The following HARS2 variants were observed in gnomAD, a reference collection of about 807,000 sequenced individuals.
The protein encoded by HARS2 is histidyl-tRNA synthetase 2, mitochondrial, also known as histidine--tRNA ligase, mitochondrial.
HARS2 carries 40 observed loss-of-function variants against 62.4 expected under a neutral mutation model. That is an observed-to-expected ratio of 0.64 (90% CI 0.50 to 0.83). The LOEUF is 0.83. Ranked by LOEUF, HARS2 falls within the 40% of genes least tolerant of loss-of-function variation. HARS2 has a pLI of 0.00. For synonymous variants in HARS2, 228 were observed against 227.0 expected (o/e 1.00, Z -0.04); for missense variants, 569 against 626.4 (o/e 0.91, Z 0.98).
intron 4 of HARS2, among the ~76,000 whole-genome samples, 196 bp from the exon 5 acceptor site, chr5:140,695,312 G>A (rs1759697364): frequency 6.6e-6 from 1 of 152,130 alleles, no homozygotes; most frequent in Non-Finnish European, 1.5e-5. Context: ...GTTTTGCTAG[G>A]TGAGATTCCT....
At position 140,695,520 on chromosome 5, in the gene HARS2, C is replaced by T. The variant is rs760431653; in HGVS notation, c.412C>T (p.Arg138Cys). The T allele has an allele frequency of 2.2e-5, 36 of 1,613,902 alleles. No homozygotes were observed. Among genetic ancestry groups the T allele is most frequent in the South Asian group, 3.3e-5 (3 of 91,044 alleles). The change falls in exon 5 of 13, where the codon CGT becomes TGT. Residue 138 changes from arginine (R) to cysteine (C), a missense_variant. Transcript: ENST00000230771. Reference sequence around the variant, plus strand: ...CCATTTATGTGAGGTTCCCTTTGCTCGTTATCTGGCCATGAATAAGGTGAA... The same window carrying T: ...CCATTTATGTGAGGTTCCCTTTGCTTGTTATCTGGCCATGAATAAGGTGAA... Reference protein sequence around the residue: ...LRYDLTVPFARYLAMNKVKKM... With the variant: ...LRYDLTVPFACYLAMNKVKKM...
At position 140,696,541 on chromosome 5, in the gene HARS2, A is replaced by G; in HGVS notation, c.753A>G (p.Arg251=). The G allele has an allele frequency of 6.2e-7, 1 of 1,613,438 alleles. No individual in the cohort carries two copies. Among genetic ancestry groups the G allele is most frequent in the Non-Finnish European group, 8.5e-7 (1 of 1,179,372 alleles). Residue 251 remains arginine, a synonymous_variant, in exon 8 of 13, where the codon AGA becomes AGG. Transcript: ENST00000230771. ...TGCAGATGGCTTGGAAAGATGTGAG[A>G]CATGAGATGGTGGTGAAGAAAGGCC... ...KLDKMAWKDV[R]HEMVVKKGLA...
In HARS2 at chr5:140,694,254, C is replaced by T; in HGVS notation, c.373C>T (p.Leu125=). 1 of 1,611,774 alleles carries T rather than the reference C, an allele frequency of 6.2e-7. No individual in the cohort carries two copies. Among genetic ancestry groups the T allele is most frequent in the South Asian group, 1.1e-5 (1 of 91,054 alleles). Reference sequence around the variant, plus strand: ...TGATCTGAAGGATCAAGGTGGAGAGCTGTTGTCCCTCCGCTATGACCTTAC... The same window carrying T: ...TGATCTGAAGGATCAAGGTGGAGAGTTGTTGTCCCTCCGCTATGACCTTAC... The part of the protein sequence containing the change: ...MYDLKDQGGE[L]LSLRYDLTVP... The change falls in exon 4 of 13, where the codon CTG becomes TTG. Residue 125 remains leucine (L), a synonymous_variant. Transcript: ENST00000230771.
At chr5:140,693,858 A>G in intron 2 of HARS2, 77 bp from the exon 3 acceptor site, 1 of 1,522,792 alleles carries the variant, frequency 6.6e-7, no homozygotes, top group Non-Finnish European at 9.1e-7. Context: ...ATTACATAAT[A>G]AGTGTAGTTT....
chr5:140,696,395 C>T lies in HARS2; in HGVS notation c.733-126C>T, dbSNP rs1581549126. The T allele has an allele frequency of 3.6e-6, 3 of 844,966 alleles. No individual in the cohort carries two copies. In the East Asian group the frequency reaches 7.6e-5, roughly 21 times the overall value. The allele number at this position is 844,966 out of a possible 1,614,324, so 52.3% of individuals were successfully genotyped here. ...ATTGTGACTGGATTTCTTAAGCTGT[C>T]TCTGACTTTGCTGAGTATACAGTTA... On this transcript the variant is annotated intron_variant, in intron 7 of 12. Transcript: ENST00000230771.
intron 1 of HARS2, chr5:140,693,331 CAAA>C (rs397884519): frequency 1.9e-3 from 1,046 of 563,458 alleles, no homozygotes; most frequent in South Asian, 2.5e-3. Flanking sequence ...GACTCTGTCT[CAAA>C]AAAAAAAAAA....
chr5:140,698,106 G>C (rs749810587), intron 12 of HARS2, 28 bp downstream of exon 12: 4 of 1,606,216 alleles, frequency 2.5e-6, no homozygotes, highest in Non-Finnish European at 3.4e-6. Context: ...AAATAGAAGG[G>C]ACGAAGTATT....
rs1307350041 is a variant in HARS2 at position 140,695,986 on chromosome 5, T to A, written c.634-117T>A. ...GTAAAGCTGTTGTATTTCCTATATG[T>A]CTGTACTCTTCCTGTGAAATTTCCA... On this transcript the variant is annotated intron_variant, in intron 6 of 12. Coordinates refer to ENST00000230771, the MANE Select transcript of HARS2 (RefSeq NM_012208.4). 1.2e-5 allele frequency: 12 copies of A among 972,942 alleles called. No homozygotes were observed. In the Admixed American group the frequency reaches 2.1e-4, roughly 17 times the overall value. The allele number at this position is 972,942 out of a possible 1,614,324, so 60.3% of individuals were successfully genotyped here. A position where few individuals can be genotyped will look rare whatever the true frequency, so the allele number is the denominator to read the frequency against.
chr5:140,692,335 G>A (rs1276999506), intron 1 of HARS2: 1 of 155,872 alleles, frequency 6.4e-6, no homozygotes, highest in African/African-American at 2.4e-5. Flanking sequence ...TGCTGGTAAT[G>A]TCACTGATTA....
intron 12 of HARS2, 120 bp downstream of exon 12, chr5:140,698,198 C>A (rs1747681736): frequency 9.9e-7 from 1 of 1,008,480 alleles, no homozygotes; most frequent in Non-Finnish European, 1.5e-6. Context: ...TAGAGATGAA[C>A]AAACACTCAC....
chr5:140,693,654 A>G lies in HARS2; in HGVS notation c.172A>G (p.Lys58Glu), dbSNP rs201392711. Reference sequence around the variant, plus strand: ...TCAAGAGAAACCAAATTTTATTATCAAGACCCCAAAGGTAATACTTTTTGC... The same window carrying G: ...TCAAGAGAAACCAAATTTTATTATCGAGACCCCAAAGGTAATACTTTTTGC... ...AHQEKPNFII[K>E]TPKGTRDLSP... Residue 58 changes from lysine to glutamate, a missense_variant, in exon 2 of 13, where the codon AAG becomes GAG. Lys to Glu is a moderately conservative substitution (Grantham distance 56). Coordinates refer to ENST00000230771, the MANE Select transcript of HARS2 (RefSeq NM_012208.4). The G allele has an allele frequency of 1.5e-4, 241 of 1,613,408 alleles. No homozygotes were observed. Among genetic ancestry groups the G allele is most frequent in the Non-Finnish European group, 1.9e-4 (226 of 1,179,452 alleles).
chr5:140,698,920 A>G lies in HARS2; in HGVS notation c.*368A>G. ...CATTGAGATCAGAAACCAGATACTT[A>G]GCCTTCTACTGTAGCTACGGAACCA... On this transcript the variant is annotated 3_prime_UTR_variant, in exon 13 of 13. Transcript: ENST00000230771. The G allele has an allele frequency of 3.1e-6, 1 of 327,642 alleles. No homozygotes were observed. Among genetic ancestry groups the G allele is most frequent in the East Asian group, 7.4e-5 (1 of 13,560 alleles). 20.3% of individuals were successfully genotyped at this position (327,642 alleles called of 1,614,324 possible).
At chr5:140,694,968 G>A (rs549663167) in intron 4 of HARS2, among the ~76,000 whole-genome samples, 3 of 152,214 alleles carry the variant, frequency 2.0e-5, no homozygotes, top group African/African-American at 7.2e-5. Context: ...TTTTTTTGTG[G>A]AGATGGGTGT....
intron 12 of HARS2, 151 bp downstream of exon 12, chr5:140,698,229 T>C (rs1562063888): frequency 1.2e-6 from 1 of 857,568 alleles, no homozygotes; most frequent in African/African-American, 1.7e-5. Context: ...CATTGCTGCC[T>C]GTGAGTATTG....
Position 140,695,675 on chromosome 5 carries a change from G to A in HARS2, c.525+42G>A, listed in dbSNP as rs1759713384. The A allele has an allele frequency of 1.9e-6, 3 of 1,613,970 alleles. No individual in the cohort carries two copies. The South Asian group carries it at 3.3e-5, about 18-fold the overall frequency. ...GAGCAGCACAGTTTGATAGTTCTAG[G>A]GGCCACAACCTTGAAACTGGCTGGA... On this transcript the variant is annotated intron_variant, in intron 5 of 12. Transcript: ENST00000230771.
At chr5:140,698,201 A>T (rs1377687530) in intron 12 of HARS2, 123 bp downstream of exon 12, 17 of 1,002,304 alleles carry the variant, frequency 1.7e-5, no homozygotes, top group Middle Eastern at 2.9e-4. Flanking sequence ...AGATGAACAA[A>T]CACTCACTCA....
chr5:140,697,332 G>A lies in HARS2; in HGVS notation c.1123G>A (p.Gly375Ser). Residue 375 changes from glycine to serine, a missense_variant, in exon 10 of 13, where the codon GGC (glycine) becomes AGC (serine). By Grantham distance (56) the Gly-to-Ser change is moderately conservative. Coordinates refer to ENST00000230771, the MANE Select transcript of HARS2 (RefSeq NM_012208.4). Reference sequence around the variant, plus strand: ...GCTGGTGGGCATGTTTGACCCCAAGGGCCACAAGGTGCCATGTGTGGGACT... The same window carrying A: ...GCTGGTGGGCATGTTTGACCCCAAGAGCCACAAGGTGCCATGTGTGGGACT... ...DGLVGMFDPKGHKVPCVGLSI... is the reference protein window; with the variant it reads ...DGLVGMFDPKSHKVPCVGLSI... The A allele has an allele frequency of 6.2e-7, 1 of 1,614,166 alleles. No homozygotes were observed. Among genetic ancestry groups the A allele is most frequent in the Non-Finnish European group, 8.5e-7 (1 of 1,180,036 alleles).
At chr5:140,695,452 A>T in intron 4 of HARS2, 56 bp from the exon 5 acceptor site, 1 of 1,604,440 alleles carries the variant, frequency 6.2e-7, no homozygotes, top group Admixed American at 1.7e-5. Flanking sequence ...TAATGTCTGT[A>T]TACTGGGCCT....
chr5:140,697,466 G>T, intron 10 of HARS2, 60 bp downstream of exon 10: 1 of 1,611,488 alleles, frequency 6.2e-7, no homozygotes, highest in Non-Finnish European at 8.5e-7. Flanking sequence ...TGTTTCTGGA[G>T]GTGTAGTTGG....
Sources: gnomAD v4.1 joint callset for allele counts (sites outside exome capture counted in the v4.1 genomes callset) on GRCh38, gnomAD v4.1.1 for gene constraint, MANE v1.5 for transcripts, NCBI Gene and HGNC (gene_info 2026-07-23, HGNC 2026-07-21) for gene names.